DLG2: variants seen among roughly 807,000 people sequenced by gnomAD.
DLG2 encodes the protein discs large MAGUK scaffold protein 2, also known as disks large homolog 2.
Under a neutral mutation model 132.5 loss-of-function variants are expected in DLG2, and 45 were observed. That is an observed-to-expected ratio of 0.34 (90% CI 0.27 to 0.44). The LOEUF (loss-of-function observed/expected upper bound fraction) is 0.44. Among genes scored for constraint, DLG2 ranks in the 20% least tolerant of loss-of-function variants. The probability of loss-of-function intolerance (pLI) is 1.00; values close to 1 mark genes in which losing one functional copy is unlikely to be tolerated. For synonymous variants in DLG2, 424 were observed against 419.6 expected, an observed-to-expected ratio of 1.01 and a Z score of -0.13; for missense variants, 1,045 against 1,196.9, an observed-to-expected ratio of 0.87 and a Z score of 1.87.
intron 6 of DLG2, among the ~76,000 whole-genome samples, chr11:84,724,208 GA>G (rs997221225): frequency 4.6e-5 from 7 of 152,068 alleles, no homozygotes; most frequent in African/African-American, 1.7e-4. Flanking sequence ...TTATTAAGAT[GA>G]AATAGGTATA....
chr11:84,916,619 T>C (rs372569316), intron 6 of DLG2, among the ~76,000 whole-genome samples: 1 of 152,186 alleles, frequency 6.6e-6, no homozygotes, highest in East Asian at 1.9e-4. Context: ...CAGGAACTTC[T>C]ACCTGGTCTC....
intron 11 of DLG2, among the ~76,000 whole-genome samples, chr11:83,995,814 A>G (rs1457279952): frequency 6.6e-6 from 1 of 152,210 alleles, no homozygotes; most frequent in Non-Finnish European, 1.5e-5. Context: ...GCCATATACA[A>G]AAATCAAATC....
intron 6 of DLG2, among the ~76,000 whole-genome samples, chr11:84,697,437 G>A (rs2058731192): frequency 6.6e-6 from 1 of 151,378 alleles, no homozygotes; most frequent in Admixed American, 6.6e-5. Context: ...TAATTATTCA[G>A]TTTCATGAAA....
chr11:83,804,440 T>C (rs920803388), intron 17 of DLG2, among the ~76,000 whole-genome samples: 1 of 152,054 alleles, frequency 6.6e-6, no homozygotes, highest in Non-Finnish European at 1.5e-5. Context: ...TTTGAAAAAT[T>C]TCAAATTATA....
intron 6 of DLG2, among the ~76,000 whole-genome samples, chr11:85,073,836 A>G (rs1044254764): frequency 6.6e-5 from 10 of 151,856 alleles, no homozygotes; most frequent in Admixed American, 3.9e-4. Context: ...AATAGCAAAG[A>G]CATACAACCT....
chr11:84,855,589 G>A (rs1175750888), intron 6 of DLG2, among the ~76,000 whole-genome samples: 1 of 152,014 alleles, frequency 6.6e-6, no homozygotes, highest in Non-Finnish European at 1.5e-5. Flanking sequence ...ATTAAAACAT[G>A]CAGCTCTTCC....
chr11:83,600,389 C>G (rs969219639), intron 19 of DLG2, among the ~76,000 whole-genome samples: 1 of 152,076 alleles, frequency 6.6e-6, no homozygotes, highest in Non-Finnish European at 1.5e-5. Flanking sequence ...AAATTTTATA[C>G]ATCTCCTTTT....
At chr11:84,914,640 G>A (rs1041134215) in intron 6 of DLG2, among the ~76,000 whole-genome samples, 2 of 152,154 alleles carry the variant, frequency 1.3e-5, no homozygotes, top group Non-Finnish European at 1.5e-5. Flanking sequence ...ATAAGGGTGA[G>A]GAATGCCCAA....
intron 7 of DLG2, among the ~76,000 whole-genome samples, chr11:84,507,208 A>G (rs557584129): frequency 2.0e-5 from 3 of 152,332 alleles, no homozygotes; most frequent in South Asian, 4.1e-4. Flanking sequence ...TAAATCAAAT[A>G]TAATTCCTAC....
chr11:85,504,612 G>A (rs2093884449), intron 3 of DLG2, among the ~76,000 whole-genome samples: 1 of 152,132 alleles, frequency 6.6e-6, no homozygotes, highest in African/African-American at 2.4e-5. Context: ...TTTGGTTACT[G>A]CAGCCTTGTA....
chr11:84,165,075 T>C (rs561719894), intron 8 of DLG2, among the ~76,000 whole-genome samples: 1 of 152,294 alleles, frequency 6.6e-6, no homozygotes, highest in African/African-American at 2.4e-5. Context: ...TAATTTTCTT[T>C]GATGGATAGG....
intron 3 of DLG2, among the ~76,000 whole-genome samples, chr11:85,296,467 C>CTTTTTTTTTTTTTTTTTTTTTTT (rs66526147): frequency 4.9e-5 from 6 of 121,546 alleles, no homozygotes; most frequent in Non-Finnish European, 6.8e-5. Context: ...TTTCGATTTT[C>CTTTTTTTTTTTTTTTTTTTTTTT]TTTTTTTTTT....
intron 11 of DLG2, among the ~76,000 whole-genome samples, chr11:83,997,566 T>C (rs908949698): frequency 2.0e-5 from 3 of 150,486 alleles, no homozygotes; most frequent in African/African-American, 7.3e-5. Context: ...CCATCTCTAC[T>C]AAAAATACAA....
chr11:84,487,315 T>C (rs946392131), intron 7 of DLG2, among the ~76,000 whole-genome samples: 13 of 152,106 alleles, frequency 8.5e-5, no homozygotes, highest in African/African-American at 2.9e-4. Context: ...TAAAAATACT[T>C]AACACAGTGC....
At chr11:84,098,035 C>CTTTTTTTTTTTTTTTTTCTT (rs2097190318) in intron 10 of DLG2, among the ~76,000 whole-genome samples, 1 of 121,844 alleles carries the variant, frequency 8.2e-6, no homozygotes, top group Non-Finnish European at 1.6e-5. Flanking sequence ...CACCATGTGC[C>CTTTTTTTTTTTTTTTTTCTT]TTTTTTTTTT....
chr11:85,269,267 C>G (rs2077387315), intron 4 of DLG2, among the ~76,000 whole-genome samples: 1 of 152,244 alleles, frequency 6.6e-6, no homozygotes, highest in African/African-American at 2.4e-5. Flanking sequence ...GAAAGCATGT[C>G]TGGCTTGGAT....
intron 11 of DLG2, among the ~76,000 whole-genome samples, chr11:84,014,771 C>A (rs1205949350): frequency 6.6e-6 from 1 of 151,922 alleles, no homozygotes; most frequent in Non-Finnish European, 1.5e-5. Flanking sequence ...CTTTCACAAT[C>A]CAATATAAAA....
intron 17 of DLG2, among the ~76,000 whole-genome samples, chr11:83,802,331 T>C (rs1414990516): frequency 6.6e-6 from 1 of 152,150 alleles, no homozygotes; most frequent in Non-Finnish European, 1.5e-5. Flanking sequence ...ATCTGCTTTG[T>C]GGCTTCTCAA....
intron 19 of DLG2, among the ~76,000 whole-genome samples, chr11:83,615,923 A>G (rs1478050075): frequency 6.6e-6 from 1 of 152,234 alleles, no homozygotes; most frequent in African/African-American, 2.4e-5. Context: ...ACAAAATTGT[A>G]AGATGATAAT....
Sources: gnomAD v4.1 joint callset for allele counts (sites outside exome capture counted in the v4.1 genomes callset) on GRCh38, gnomAD v4.1.1 for gene constraint, MANE v1.5 for transcripts, NCBI Gene and HGNC (gene_info 2026-07-23, HGNC 2026-07-21) for gene names.